IGF2BP3: variants seen among roughly 807,000 people sequenced by gnomAD.
The protein encoded by IGF2BP3 is insulin-like growth factor 2 mRNA-binding protein 3.
Under a neutral mutation model 73.8 loss-of-function variants are expected in IGF2BP3, and 9 were observed. The ratio of observed to expected loss-of-function variants is 0.12; its 90% confidence interval spans 0.07 to 0.21. The LOEUF is 0.21. IGF2BP3 is among the 10% of genes least tolerant of loss of function. The pLI, the probability that IGF2BP3 is intolerant of heterozygous loss-of-function variation, is 1.00. For missense variants in IGF2BP3, 542 were observed against 714.0 expected (o/e 0.76, Z 2.75); for synonymous variants, 258 against 256.7 (o/e 1.01, Z -0.05).
intron 2 of IGF2BP3, among the ~76,000 whole-genome samples, chr7:23,422,300 CTTTT>C (rs770218820): frequency 3.3e-5 from 5 of 152,138 alleles, no homozygotes; most frequent in Non-Finnish European, 4.4e-5. Context: ...AGGATACTAT[CTTTT>C]GTTTATTAAG....
intron 10 of IGF2BP3, among the ~76,000 whole-genome samples, chr7:23,320,480 G>A (rs1418245240): frequency 6.6e-6 from 1 of 152,040 alleles, no homozygotes; most frequent in African/African-American, 2.4e-5. Flanking sequence ...CAGTTCTAAA[G>A]TACAGAAGCA....
intron 5 of IGF2BP3, among the ~76,000 whole-genome samples, chr7:23,360,284 C>A (rs1291532964): frequency 1.1e-4 from 17 of 152,168 alleles, no homozygotes; most frequent in Admixed American, 1.1e-3. Flanking sequence ...CTGCAAGAGA[C>A]TGGAAACAAC....
chr7:23,431,462 G>A (rs1203928217), intron 2 of IGF2BP3, among the ~76,000 whole-genome samples: 2 of 152,100 alleles, frequency 1.3e-5, no homozygotes, highest in Non-Finnish European at 2.9e-5. Flanking sequence ...AAGTGGAAAG[G>A]AGGAAACATA....
At chr7:23,433,387 C>T (rs886976085) in intron 2 of IGF2BP3, among the ~76,000 whole-genome samples, 2 of 151,934 alleles carry the variant, frequency 1.3e-5, no homozygotes, top group Non-Finnish European at 2.9e-5. Flanking sequence ...GGATAAAATA[C>T]ATACAGATGT....
rs763392662 is a variant in IGF2BP3 at position 23,470,125 on chromosome 7, G to A, written c.-15C>T. The A allele has an allele frequency of 1.9e-6, 3 of 1,571,324 alleles. No homozygotes were observed. The East Asian group carries it at 6.9e-5, about 36-fold the overall frequency. On this transcript the variant is annotated 5_prime_UTR_variant, in exon 1 of 15. Transcript: ENST00000258729. ...AGTTTGTTCATTGTGAAGAGTGGTT[G>A]TTTAAAAAAAAATAACGAGAAAAAA...
chr7:23,329,844 G>GA (rs1784399080), intron 10 of IGF2BP3, among the ~76,000 whole-genome samples: 1 of 152,274 alleles, frequency 6.6e-6, no homozygotes, highest in East Asian at 1.9e-4. Flanking sequence ...TTTTAGAATT[G>GA]AAAAAACTGA....
chr7:23,327,938 C>T (rs558960112), intron 10 of IGF2BP3, among the ~76,000 whole-genome samples: 81 of 152,314 alleles, frequency 5.3e-4, no homozygotes, highest in African/African-American at 1.8e-3. Context: ...GGCCGTGCCA[C>T]TCGCTTGTCC....
intron 2 of IGF2BP3, among the ~76,000 whole-genome samples, chr7:23,445,746 A>C (rs552335342): frequency 6.6e-6 from 1 of 152,304 alleles, no homozygotes; most frequent in South Asian, 2.1e-4. Flanking sequence ...CTGGTATGGA[A>C]AAAATAACCT....
intron 3 of IGF2BP3, among the ~76,000 whole-genome samples, chr7:23,368,176 T>C (rs1289982383): frequency 6.6e-6 from 1 of 152,006 alleles, no homozygotes; most frequent in Non-Finnish European, 1.5e-5. Context: ...GACTGATGAA[T>C]GGAAACAAAA....
At chr7:23,456,703 T>A (rs886085835) in intron 2 of IGF2BP3, among the ~76,000 whole-genome samples, 1 of 152,098 alleles carries the variant, frequency 6.6e-6, no homozygotes, top group Non-Finnish European at 1.5e-5. Flanking sequence ...GCACACTTCA[T>A]TGAAAGAAGC....
chr7:23,376,407 C>T (rs2128514496), intron 3 of IGF2BP3, among the ~76,000 whole-genome samples: 1 of 151,534 alleles, frequency 6.6e-6, no homozygotes, highest in African/African-American at 2.4e-5. Context: ...TGGTGGCGGG[C>T]ACCTGTAATC....
intron 2 of IGF2BP3, among the ~76,000 whole-genome samples, chr7:23,446,628 C>G (rs1762123094): frequency 6.6e-6 from 1 of 152,156 alleles, no homozygotes; most frequent in South Asian, 2.1e-4. Flanking sequence ...TTGACAGCCA[C>G]TATAGTAGCA....
intron 3 of IGF2BP3, among the ~76,000 whole-genome samples, chr7:23,395,805 A>C (rs1175346949): frequency 6.6e-6 from 1 of 152,036 alleles, no homozygotes; most frequent in Admixed American, 6.6e-5. Flanking sequence ...AGGTGCCTGT[A>C]ATCCCAGCTA....
At chr7:23,447,733 G>A (rs1030168544) in intron 2 of IGF2BP3, among the ~76,000 whole-genome samples, 4 of 152,112 alleles carry the variant, frequency 2.6e-5, no homozygotes, top group Non-Finnish European at 4.4e-5. Context: ...AGCACTTGGG[G>A]AGGCTGGAAT....
chr7:23,415,313 T>A (rs1584016625), intron 3 of IGF2BP3: 1 of 226,888 alleles, frequency 4.4e-6, no homozygotes, highest in Non-Finnish European at 8.6e-6. Context: ...CATCCGCAGG[T>A]CCCCGTTCAT....
intron 2 of IGF2BP3, among the ~76,000 whole-genome samples, chr7:23,438,632 T>C (rs543216522): frequency 6.6e-5 from 10 of 151,968 alleles, no homozygotes; most frequent in African/African-American, 2.2e-4. Flanking sequence ...AATTTTTTAA[T>C]TCCTTTCTAC....
Position 23,451,523 on chromosome 7 carries a change from G to A in IGF2BP3, c.236+16959C>T, listed in dbSNP as rs141026263. ...GCAGGAGAATCGCTTGAACCCAGGA[G>A]GTGGAGGTTGCAGTGAGATGAGATT... On this transcript the variant is annotated intron_variant, in intron 2 of 14. Coordinates refer to ENST00000258729, the MANE Select transcript of IGF2BP3 (RefSeq NM_006547.3). Among the ~76,000 whole-genome samples, 1,464 of 152,200 alleles carry A rather than the reference G, an allele frequency of 9.6e-3. 34 individuals carry two copies. Among genetic ancestry groups the A allele is most frequent in the African/African-American group, 0.033 (1,383 of 41,544 alleles).
chr7:23,468,583 C>T, intron 1 of IGF2BP3, 41 bp from the exon 2 acceptor site: 6 of 1,600,670 alleles, frequency 3.7e-6, no homozygotes, highest in Non-Finnish European at 5.1e-6. Context: ...CCGAGTTCAG[C>T]GGCTCTCCCT....
chr7:23,402,792 G>T (rs1322183826), intron 3 of IGF2BP3: 1 of 152,110 alleles, frequency 6.6e-6, no homozygotes, highest in Non-Finnish European at 1.5e-5. Flanking sequence ...TTACAAAAAA[G>T]TCAGTAATCA....
Sources: gnomAD v4.1 joint callset for allele counts (sites outside exome capture counted in the v4.1 genomes callset) on GRCh38, gnomAD v4.1.1 for gene constraint, MANE v1.5 for transcripts, NCBI Gene and HGNC (gene_info 2026-07-23, HGNC 2026-07-21) for gene names.